The following CDH18 variants were observed in gnomAD, a reference collection of about 807,000 sequenced individuals.
The protein encoded by CDH18 is cadherin-18.
In CDH18, 31 loss-of-function variants were observed where a neutral mutation model predicts 67.9. The observed-to-expected ratio is 0.46, with a 90% CI of 0.34 to 0.62. CDH18 has a LOEUF of 0.62. CDH18 is among the 20% of genes least tolerant of loss of function. The pLI is 0.01. For synonymous variants in CDH18, 362 were observed against 347.2 expected (o/e 1.04, Z -0.48); for missense variants, 890 against 975.5 (o/e 0.91, Z 1.17).
intron 1 of CDH18, among the ~76,000 whole-genome samples, chr5:20,276,216 G>T (rs1745799526): frequency 6.6e-6 from 1 of 152,186 alleles, no homozygotes; most frequent in Non-Finnish European, 1.5e-5. Context: ...GTGACCAAGT[G>T]AGTACTTGTG....
chr5:19,601,519 C>T (rs575440678), intron 6 of CDH18, among the ~76,000 whole-genome samples: 1 of 152,114 alleles, frequency 6.6e-6, no homozygotes, highest in East Asian at 1.9e-4. Flanking sequence ...TTTAATTCTA[C>T]TAACCATTTA....
chr5:19,547,734 C>T (rs347738), intron 8 of CDH18, among the ~76,000 whole-genome samples: 8,587 of 152,104 alleles, frequency 0.056, 261 homozygotes, highest in African/African-American at 0.076. Flanking sequence ...TATTTGCTTC[C>T]GAGTTTCCTA....
chr5:19,722,847 T>C (rs1166469960), intron 4 of CDH18, among the ~76,000 whole-genome samples: 1 of 152,156 alleles, frequency 6.6e-6, no homozygotes, highest in South Asian at 2.1e-4. Context: ...CATTTTGGTA[T>C]TTGAATATGG....
intron 1 of CDH18, among the ~76,000 whole-genome samples, chr5:20,361,611 C>T (rs188756764): frequency 1.3e-5 from 2 of 152,036 alleles, no homozygotes; most frequent in Admixed American, 1.3e-4. Context: ...AAATGCCTTG[C>T]TAGTATATTA....
At chr5:19,935,740 T>A (rs775202467) in intron 2 of CDH18, among the ~76,000 whole-genome samples, 1 of 150,554 alleles carries the variant, frequency 6.6e-6, no homozygotes, top group Non-Finnish European at 1.5e-5. Context: ...AAATAAAGAA[T>A]CTTAATGTAT....
At chr5:20,392,240 A>C (rs1226927205) in intron 1 of CDH18, among the ~76,000 whole-genome samples, 1 of 151,912 alleles carries the variant, frequency 6.6e-6, no homozygotes, top group Non-Finnish European at 1.5e-5. Flanking sequence ...TGAATTATTT[A>C]TTATACAAGT....
At chr5:19,659,184 T>C (rs749407212) in intron 5 of CDH18, among the ~76,000 whole-genome samples, 23 of 152,200 alleles carry the variant, frequency 1.5e-4, no homozygotes, top group Non-Finnish European at 2.6e-4. Context: ...GTCAAATCAA[T>C]TGTCCTTCTA....
chr5:19,951,505 A>G (rs1795782099), intron 2 of CDH18, among the ~76,000 whole-genome samples: 1 of 152,188 alleles, frequency 6.6e-6, no homozygotes, highest in Admixed American at 6.6e-5. Context: ...AGTGTTGGGC[A>G]TCAGTCTATC....
chr5:19,985,329 T>A (rs1799449532), intron 1 of CDH18, among the ~76,000 whole-genome samples: 1 of 152,074 alleles, frequency 6.6e-6, no homozygotes, highest in Non-Finnish European at 1.5e-5. Context: ...ATGCATGAAC[T>A]TTTTTCTATA....
At chr5:19,845,058 C>A (rs1782764535) in intron 2 of CDH18, among the ~76,000 whole-genome samples, 1 of 151,926 alleles carries the variant, frequency 6.6e-6, no homozygotes, top group African/African-American at 2.4e-5. Flanking sequence ...TAAATATTAC[C>A]AAGATGTTAA....
intron 10 of CDH18, among the ~76,000 whole-genome samples, chr5:19,507,021 T>C (rs1257575423): frequency 1.3e-5 from 2 of 152,180 alleles, no homozygotes; most frequent in Non-Finnish European, 2.9e-5. Context: ...AAAGGGCTAA[T>C]ATCCAGAATC....
intron 2 of CDH18, among the ~76,000 whole-genome samples, chr5:19,955,249 C>G (rs924323927): frequency 6.6e-6 from 1 of 152,026 alleles, no homozygotes; most frequent in East Asian, 1.9e-4. Flanking sequence ...ATTACCCAGT[C>G]TCGTGCACAT....
chr5:19,598,873 A>G (rs529720556), intron 6 of CDH18, among the ~76,000 whole-genome samples: 37 of 152,134 alleles, frequency 2.4e-4, no homozygotes, highest in Admixed American at 6.5e-4. Context: ...TGGTTGTCCA[A>G]CTTCACAGAA....
At chr5:19,751,567 T>A (rs190706723) in intron 3 of CDH18, among the ~76,000 whole-genome samples, 34 of 152,324 alleles carry the variant, frequency 2.2e-4, no homozygotes, top group African/African-American at 7.5e-4. Flanking sequence ...GTATTATGTA[T>A]CCTTCATTCC....
In CDH18 at chr5:19,591,113, T is replaced by C; in HGVS notation, c.943A>G (p.Ile315Val). The C allele has an allele frequency of 1.2e-6, 2 of 1,611,240 alleles. No individual in the cohort carries two copies. The highest frequency in any genetic ancestry group is 1.3e-5 in the African/African-American group (1 of 74,922). Residue 315 changes from isoleucine (I) to valine (V), a missense_variant, in exon 7 of 13, where the codon ATA becomes GTA. By Grantham distance (29) the Ile-to-Val change is conservative. Transcript: ENST00000382275. The part of the protein sequence containing the change: ...YSIINGDGMG[I>V]FSISTDKETR... Reference sequence around the variant, plus strand: ...TCTTTGTCAGTGGAGATTGAGAATATTCCCATGCCATCACCATTTATGATG... The same window carrying C: ...TCTTTGTCAGTGGAGATTGAGAATACTCCCATGCCATCACCATTTATGATG...
intron 9 of CDH18, among the ~76,000 whole-genome samples, chr5:19,527,978 T>G (rs569278107): frequency 6.6e-6 from 1 of 151,928 alleles, no homozygotes; most frequent in South Asian, 2.1e-4. Context: ...ATGAACACTT[T>G]GTTCCGTTAA....
At chr5:19,881,438 G>A (rs1020672562) in intron 2 of CDH18, among the ~76,000 whole-genome samples, 2 of 151,084 alleles carry the variant, frequency 1.3e-5, no homozygotes, top group African/African-American at 4.9e-5. Context: ...TTTGTATCTG[G>A]TCAAACAGAT....
At chr5:20,499,445 A>G (rs149961119) in intron 1 of CDH18, among the ~76,000 whole-genome samples, 2 of 152,048 alleles carry the variant, frequency 1.3e-5, no homozygotes, top group Non-Finnish European at 2.9e-5. Flanking sequence ...GAATCTGCAG[A>G]TCCATAACCC....
At chr5:20,360,006 T>C (rs1441669883) in intron 1 of CDH18, among the ~76,000 whole-genome samples, 1 of 149,786 alleles carries the variant, frequency 6.7e-6, no homozygotes, top group East Asian at 1.9e-4. Flanking sequence ...ATCAGTAGTT[T>C]AACAAGAATA....
Sources: gnomAD v4.1 joint callset for allele counts (sites outside exome capture counted in the v4.1 genomes callset) on GRCh38, gnomAD v4.1.1 for gene constraint, MANE v1.5 for transcripts, NCBI Gene and HGNC (gene_info 2026-07-23, HGNC 2026-07-21) for gene names.